The following MAST2 variants were observed in gnomAD, a reference collection of about 807,000 sequenced individuals.
MAST2 encodes the protein microtubule-associated serine/threonine-protein kinase 2.
MAST2 carries 70 observed loss-of-function variants against 147.4 expected under a neutral mutation model. The ratio of observed to expected loss-of-function variants is 0.47; its 90% CI spans 0.39 to 0.58. The LOEUF is 0.58. Among genes scored for constraint, MAST2 ranks in the 20% least tolerant of loss-of-function variants. The pLI is 0.00. For synonymous variants in MAST2, 869 were observed against 896.8 expected (o/e 0.97, Z 0.55); for missense variants, 2,080 against 2,302.3 (o/e 0.90, Z 1.98).
intron 5 of MAST2, among the ~76,000 whole-genome samples, chr1:45,988,088 C>G (rs1007114061): frequency 6.6e-6 from 1 of 152,148 alleles, no homozygotes; most frequent in African/African-American, 2.4e-5. Context: ...TCATAGCTTA[C>G]TGCAGCCTCG....
intron 5 of MAST2, among the ~76,000 whole-genome samples, chr1:45,977,951 G>A (rs1459066551): frequency 1.3e-5 from 2 of 152,074 alleles, no homozygotes; most frequent in Non-Finnish European, 1.5e-5. Flanking sequence ...CAGCACAGGT[G>A]GCTCCTATAA....
chr1:45,938,099 A>G (rs1347858413), intron 4 of MAST2, among the ~76,000 whole-genome samples: 1 of 152,186 alleles, frequency 6.6e-6, no homozygotes, highest in Non-Finnish European at 1.5e-5. Flanking sequence ...TTTGAACTTT[A>G]TACATGTAGC....
intron 5 of MAST2, among the ~76,000 whole-genome samples, chr1:45,980,586 G>T (rs1181536515): frequency 6.6e-6 from 1 of 152,210 alleles, no homozygotes; most frequent in East Asian, 1.9e-4. Context: ...ATAGGCTGTA[G>T]TGTAGTGGCA....
intron 3 of MAST2, among the ~76,000 whole-genome samples, chr1:45,877,975 G>A (rs999645878): frequency 1.3e-5 from 2 of 152,116 alleles, no homozygotes; most frequent in Admixed American, 6.6e-5. Context: ...AGACCAAGGC[G>A]GGTGGATCAC....
At chr1:45,840,807 G>A (rs1645250470) in intron 3 of MAST2, among the ~76,000 whole-genome samples, 2 of 152,228 alleles carry the variant, frequency 1.3e-5, no homozygotes, top group African/African-American at 4.8e-5. Context: ...GCCAAAGCAT[G>A]TTCAAATAAG....
intron 3 of MAST2, among the ~76,000 whole-genome samples, chr1:45,843,081 T>C (rs1645325588): frequency 6.6e-6 from 1 of 152,202 alleles, no homozygotes; most frequent in South Asian, 2.1e-4. Context: ...TGACCATTTA[T>C]ATATCTTCTT....
chr1:45,933,475 C>T (rs1655682835), intron 4 of MAST2, among the ~76,000 whole-genome samples: 1 of 151,360 alleles, frequency 6.6e-6, no homozygotes, highest in South Asian at 2.1e-4. Flanking sequence ...CACGGTGGCT[C>T]ACGCCTTTAA....
chr1:45,976,175 C>T (rs992134420), intron 5 of MAST2, among the ~76,000 whole-genome samples: 6 of 152,018 alleles, frequency 3.9e-5, no homozygotes, highest in African/African-American at 1.4e-4. Flanking sequence ...CGGGGTATCA[C>T]CATGTTGGCC....
chr1:45,928,323 A>C (rs1198025400), intron 4 of MAST2, among the ~76,000 whole-genome samples: 1 of 152,202 alleles, frequency 6.6e-6, no homozygotes, highest in Non-Finnish European at 1.5e-5. Context: ...CTAAAACAAT[A>C]GTTTATCAAT....
intron 3 of MAST2, among the ~76,000 whole-genome samples, chr1:45,849,242 C>T (rs575701268): frequency 1.0e-3 from 153 of 152,152 alleles, no homozygotes; most frequent in African/African-American, 3.2e-3. Flanking sequence ...TTTTAAAATT[C>T]GTATGGAACC....
intron 3 of MAST2, among the ~76,000 whole-genome samples, chr1:45,880,352 T>C (rs1005089867): frequency 1.3e-5 from 2 of 152,204 alleles, no homozygotes; most frequent in African/African-American, 4.8e-5. Context: ...GAAGTAAAAG[T>C]AATCTGTGGT....
chr1:45,901,261 C>T (rs1457396193), intron 4 of MAST2, among the ~76,000 whole-genome samples: 1 of 152,132 alleles, frequency 6.6e-6, no homozygotes, highest in African/African-American at 2.4e-5. Context: ...ATGGAGTGTC[C>T]TTTCCCCATT....
intron 7 of MAST2, among the ~76,000 whole-genome samples, chr1:46,003,186 A>G (rs934819920): frequency 1.3e-5 from 2 of 152,146 alleles, no homozygotes; most frequent in Non-Finnish European, 2.9e-5. Context: ...GGGGACTCCT[A>G]AGCACACTTC....
chr1:45,915,626 C>T (rs1362807958), intron 4 of MAST2, among the ~76,000 whole-genome samples: 3 of 150,404 alleles, frequency 2.0e-5, no homozygotes, highest in East Asian at 2.0e-4. Flanking sequence ...AGGAGAATGG[C>T]GTGAACCTGG....
intron 3 of MAST2, among the ~76,000 whole-genome samples, chr1:45,881,240 T>G (rs1646832428): frequency 6.6e-6 from 1 of 152,162 alleles, no homozygotes; most frequent in East Asian, 1.9e-4. Flanking sequence ...AAATTTCCAT[T>G]TACTAGAGAA....
chr1:45,892,429 A>G (rs1425933415), intron 4 of MAST2, among the ~76,000 whole-genome samples: 1 of 152,218 alleles, frequency 6.6e-6, no homozygotes, highest in African/African-American at 2.4e-5. Flanking sequence ...TTTCAAACAA[A>G]TTACTATAAT....
chr1:45,947,306 TAAAAAAAAAAAAAA>T (rs55827908), intron 4 of MAST2, among the ~76,000 whole-genome samples: 7 of 112,670 alleles, frequency 6.2e-5, no homozygotes, highest in Non-Finnish European at 1.1e-4. Context: ...TGATGAGCTT[TAAAAAAAAAAAAAA>T]AAAAAAAAAA....
intron 2 of MAST2, 22 bp from the exon 3 acceptor site, chr1:45,829,415 ATT>A: frequency 4.4e-6 from 7 of 1,596,422 alleles, no homozygotes; most frequent in Non-Finnish European, 6.0e-6. Context: ...TTACATGTAT[ATT>A]TTCCAAACCT....
chr1:45,934,259 C>T lies in MAST2; in HGVS notation c.501-25127C>T, dbSNP rs534453390. ...TGTAAAGAACATAATTTCCGGTGGGCGGATCATGAGGTCAGGAGATCGAGA... is the reference window on the plus strand; with the variant it reads ...TGTAAAGAACATAATTTCCGGTGGGTGGATCATGAGGTCAGGAGATCGAGA... On this transcript the variant is annotated intron_variant, in intron 4 of 28. Transcript: ENST00000361297. 2.0e-4 allele frequency among the ~76,000 whole-genome samples: 31 copies of T among 152,180 alleles called. No homozygotes were observed. The East Asian group carries it at 4.3e-3, about 21-fold the overall frequency.
Sources: gnomAD v4.1 joint callset for allele counts (sites outside exome capture counted in the v4.1 genomes callset) on GRCh38, gnomAD v4.1.1 for gene constraint, MANE v1.5 for transcripts, NCBI Gene and HGNC (gene_info 2026-07-23, HGNC 2026-07-21) for gene names.